Variants in PLA2G2D observed in about 807,000 individuals in gnomAD.
PLA2G2D encodes the protein group IID secretory phospholipase A2.
A neutral mutation model predicts 13.9 loss-of-function variants in PLA2G2D; 17 were observed. The ratio of observed to expected loss-of-function variants is 1.23; its 90% CI spans 0.84 to 1.84. The LOEUF is 1.84. PLA2G2D is among the 40% of genes most tolerant of loss of function. PLA2G2D has a pLI of 0.00. For missense variants in PLA2G2D, 194 were observed against 178.7 expected (o/e 1.09, Z -0.49); for synonymous variants, 83 against 69.3 (o/e 1.20, Z -0.98).
Position 20,113,234 on chromosome 1 carries a change from C to CT in PLA2G2D, c.*879dup, listed in dbSNP as rs1279258177. 2.0e-5 allele frequency: 3 copies of CT among 152,362 alleles called. No individual in the cohort carries two copies. The highest frequency in any genetic ancestry group is 4.4e-5 in the Non-Finnish European group (3 of 68,186). The allele number at this position is 152,362 out of a possible 1,614,324, so 9.4% of individuals were successfully genotyped here. On this transcript the variant is annotated 3_prime_UTR_variant, in exon 4 of 4. Transcript: ENST00000375105. Reference sequence around the variant, plus strand: ...GTTCCATTTGCCACTCTAGGCCAAGCTAGGTAAGCGGCAGAGCCATGAAGC... The same window carrying CT: ...GTTCCATTTGCCACTCTAGGCCAAGCTTAGGTAAGCGGCAGAGCCATGAAGC...
intron 2 of PLA2G2D, 59 bp from the exon 3 acceptor site, chr1:20,115,672 C>T (rs2016972496): frequency 5.6e-6 from 6 of 1,070,136 alleles, no homozygotes; most frequent in Non-Finnish European, 8.7e-6. Flanking sequence ...TCTCTGGCTG[C>T]TCCCCCTACT....
rs1160461073 is a variant in PLA2G2D, at chr1:20,119,469, C to A, written c.30G>T (p.Val10=). 6.2e-7 allele frequency: 1 copy of A among 1,613,776 alleles called. No individual in the cohort carries two copies. The highest frequency in any genetic ancestry group is 8.5e-7 in the Non-Finnish European group (1 of 1,179,876). ...CCGTCCCCGACTCACCAGCCATCAC[C>A]ACCAGCCCACACAGCAGTGCAAGTT... The part of the protein sequence containing the change: MELALLCGL[V]VMAGVIPIQG... The change falls in exon 1 of 4, where the codon GTG becomes GTT. Residue 10 remains valine (V), a synonymous_variant. Coordinates refer to ENST00000375105, the MANE Select transcript of PLA2G2D (RefSeq NM_012400.4).
At chr1:20,119,401 C>G in intron 1 of PLA2G2D, 58 bp downstream of exon 1, 1 of 1,427,798 alleles carries the variant, frequency 7.0e-7, no homozygotes. Flanking sequence ...AAAGAGAGCA[C>G]AGGGGTACAC....
In PLA2G2D at chr1:20,114,268, G is replaced by A. The variant is rs116777363; in HGVS notation, c.293-9C>T. The A allele has an allele frequency of 4.1e-4, 665 of 1,611,004 alleles. 3 individuals are homozygous for A. The African/African-American group carries it at 7.7e-3, about 19-fold the overall frequency. ...CCAGCTTCCCTTGTCAGCTGTGGAC[G>A]GAGAAGGGGGAGCTATGTGTTTGTC... On this transcript the variant is annotated splice_polypyrimidine_tract_variant and intron_variant, in intron 3 of 3. Coordinates refer to ENST00000375105, the MANE Select transcript of PLA2G2D (RefSeq NM_012400.4).
At chr1:20,118,295 C>T (rs2017028184) in intron 1 of PLA2G2D, among the ~76,000 whole-genome samples, 2 of 152,120 alleles carry the variant, frequency 1.3e-5, no homozygotes, top group South Asian at 4.1e-4. Context: ...CTCTTTCTTG[C>T]CATGTGAAAA....
chr1:20,112,921 GA>G lies in PLA2G2D; in HGVS notation c.*1192del, dbSNP rs1333261954. 6.6e-6 allele frequency: 1 copy of G among 152,288 alleles called. No individual in the cohort carries two copies. The highest frequency in any genetic ancestry group is 1.5e-5 in the Non-Finnish European group (1 of 68,142). The allele number at this position is 152,288 out of a possible 1,614,324, so 9.4% of individuals were successfully genotyped here. A position where few individuals can be genotyped will look rare whatever the true frequency, so the allele number is the denominator to read the frequency against. The stretch of plus-strand genomic sequence containing the variant: ...CTTGGTGGGAGAGGTGGGGCAGGGG[GA>G]AGGCAGCTCCCACTAGACCAGGGCA... On this transcript the variant is annotated 3_prime_UTR_variant, in exon 4 of 4. Transcript: ENST00000375105.
In PLA2G2D at chr1:20,119,444, C is replaced by T. The variant is rs1017770294; in HGVS notation, c.40+15G>A. The stretch of plus-strand genomic sequence containing the variant: ...CCTCCTTCCCTTCCCAGCCTGGGTC[C>T]CGTCCCCGACTCACCAGCCATCACC... On this transcript the variant is annotated intron_variant, in intron 1 of 3. Coordinates refer to ENST00000375105, the MANE Select transcript of PLA2G2D (RefSeq NM_012400.4). 6.2e-7 allele frequency: 1 copy of T among 1,611,694 alleles called. No homozygotes were observed. The highest frequency in any genetic ancestry group is 8.5e-7 in the Non-Finnish European group (1 of 1,177,976).
Position 20,114,186 on chromosome 1 carries a change from G to T in PLA2G2D, c.366C>A (p.Asn122Lys). Residue 122 changes from asparagine to lysine, a missense_variant, in exon 4 of 4, where the codon AAC (asparagine) becomes AAA (lysine). By Grantham distance (94) the Asn-to-Lys change is moderately conservative. Transcript: ENST00000375105. ...DKEVAFCLKR[N>K]LDTYQKRLRF... ...GCAGTCGCTTCTGGTAGGTGTCCAG[G>T]TTGCGCTTCAGGCAGAAGGCCACCT... is the stretch of plus-strand genomic sequence containing the variant. The T allele has an allele frequency of 6.2e-7, 1 of 1,614,052 alleles. No individual in the cohort carries two copies. The highest frequency in any genetic ancestry group is 1.1e-5 in the South Asian group (1 of 91,086).
At chr1:20,117,549 G>A (rs751496678) in intron 1 of PLA2G2D, among the ~76,000 whole-genome samples, 2 of 152,174 alleles carry the variant, frequency 1.3e-5, no homozygotes, top group Non-Finnish European at 2.9e-5. Flanking sequence ...TACTGGAAGA[G>A]AGGAATGCAT....
chr1:20,114,832 A>G (rs1217718522), intron 3 of PLA2G2D, among the ~76,000 whole-genome samples: 1 of 152,234 alleles, frequency 6.6e-6, no homozygotes, highest in African/African-American at 2.4e-5. Flanking sequence ...CTTAGCCTAT[A>G]GTAAGTGCTC....
At chr1:20,114,357 G>A in intron 3 of PLA2G2D, 98 bp from the exon 4 acceptor site, 1 of 1,278,110 alleles carries the variant, frequency 7.8e-7, no homozygotes, top group East Asian at 2.5e-5. Context: ...TTCCTACTCA[G>A]TCGTAGAGGT....
intron 1 of PLA2G2D, among the ~76,000 whole-genome samples, chr1:20,118,051 T>C (rs1472523785): frequency 6.6e-6 from 1 of 152,136 alleles, no homozygotes; most frequent in African/African-American, 2.4e-5. Flanking sequence ...TTGGCTGCAC[T>C]GGTGAAGGAT....
chr1:20,119,523 C>A lies in PLA2G2D; in HGVS notation c.-25G>T. Reference sequence around the variant, plus strand: ...TGATCCCAGCACAGAGCAGTGGAGGCAGATGCTGGCAGTCCCTTTCCATGC... The same window carrying A: ...TGATCCCAGCACAGAGCAGTGGAGGAAGATGCTGGCAGTCCCTTTCCATGC... On this transcript the variant is annotated 5_prime_UTR_variant, in exon 1 of 4. Coordinates refer to ENST00000375105, the MANE Select transcript of PLA2G2D (RefSeq NM_012400.4). The A allele has an allele frequency of 1.9e-6, 3 of 1,612,482 alleles. No individual in the cohort carries two copies. In the South Asian group the frequency reaches 3.3e-5, roughly 18 times the overall value.
intron 1 of PLA2G2D, among the ~76,000 whole-genome samples, chr1:20,117,250 T>G (rs1034793417): frequency 6.6e-6 from 1 of 152,206 alleles, no homozygotes; most frequent in African/African-American, 2.4e-5. Flanking sequence ...TGAGGCTCAG[T>G]AACTTGCTCA....
intron 3 of PLA2G2D, 98 bp from the exon 4 acceptor site, chr1:20,114,357 G>C: frequency 7.8e-7 from 1 of 1,278,110 alleles, no homozygotes; most frequent in Non-Finnish European, 1.1e-6. Flanking sequence ...TTCCTACTCA[G>C]TCGTAGAGGT....
At chr1:20,115,640 A>T in intron 2 of PLA2G2D, 27 bp from the exon 3 acceptor site, 1 of 1,412,582 alleles carries the variant, frequency 7.1e-7, no homozygotes, top group Non-Finnish European at 1.0e-6. Context: ...GCACAGCTGC[A>T]TGGGTCCCCA....
Position 20,113,717 on chromosome 1 carries a change from T to G in PLA2G2D, c.*397A>C. The stretch of plus-strand genomic sequence containing the variant: ...TGAGGTTTTAAAAGATAGAGCCACA[T>G]GGACAGAAAGATCAATATTGCCCTT... On this transcript the variant is annotated 3_prime_UTR_variant, in exon 4 of 4. Transcript: ENST00000375105. 5.8e-6 allele frequency: 1 copy of G among 171,458 alleles called. No homozygotes were observed. Among genetic ancestry groups the G allele is most frequent in the Non-Finnish European group, 1.2e-5 (1 of 80,538 alleles). 10.6% of individuals were successfully genotyped at this position (171,458 alleles called of 1,614,324 possible). A position where few individuals can be genotyped will look rare whatever the true frequency, so the allele number is the denominator to read the frequency against.
intron 2 of PLA2G2D, among the ~76,000 whole-genome samples, chr1:20,116,011 A>G (rs2016982630): frequency 6.6e-6 from 1 of 152,140 alleles, no homozygotes; most frequent in Non-Finnish European, 1.5e-5. Flanking sequence ...TATGAAGATC[A>G]AATGAGATAA....
chr1:20,116,530 C>G, intron 1 of PLA2G2D, 53 bp from the exon 2 acceptor site: 2 of 1,582,630 alleles, frequency 1.3e-6, no homozygotes, highest in South Asian at 1.1e-5. Context: ...TTCAGGGCAG[C>G]GCCAATGGGC....
Sources: allele counts gnomAD v4.1 joint callset (sites outside exome capture counted in the v4.1 genomes callset), GRCh38; gene constraint gnomAD v4.1.1; transcripts MANE v1.5; gene names NCBI Gene and HGNC (gene_info 2026-07-23, HGNC 2026-07-21).